The following NALCN variants were observed in gnomAD, a reference collection of about 807,000 sequenced individuals.
The protein encoded by NALCN is sodium leak channel NALCN.
In NALCN, 111 loss-of-function variants were observed where a neutral mutation model predicts 225.3. That is an observed-to-expected ratio of 0.49 (90% confidence interval 0.42 to 0.58). The LOEUF (loss-of-function observed/expected upper bound fraction) is 0.58. Ranked by LOEUF, NALCN falls within the 20% of genes least tolerant of loss-of-function variation. The pLI is 0.00. For missense variants in NALCN, 1,378 were observed against 2,202.4 expected (o/e 0.63, Z 7.49); for synonymous variants, 764 against 769.0 (o/e 0.99, Z 0.11).
intron 43 of NALCN, among the ~76,000 whole-genome samples, chr13:101,055,878 G>T (rs1030646067): frequency 8.5e-5 from 13 of 152,104 alleles, no homozygotes; most frequent in African/African-American, 2.4e-4. Context: ...AAGGCGAGGG[G>T]GGATGCAGTG....
chr13:101,116,017 A>G (rs893848016), intron 18 of NALCN, among the ~76,000 whole-genome samples: 2 of 152,176 alleles, frequency 1.3e-5, no homozygotes, highest in African/African-American at 4.8e-5. Flanking sequence ...ATGCAGGCAT[A>G]TGTAATCCCT....
At chr13:101,157,617 T>C (rs945499860) in intron 15 of NALCN, among the ~76,000 whole-genome samples, 6 of 152,182 alleles carry the variant, frequency 3.9e-5, no homozygotes, top group African/African-American at 1.4e-4. Context: ...TTCCCTAACT[T>C]TTTGGTCAAC....
At chr13:101,232,838 G>A (rs925907380) in intron 12 of NALCN, among the ~76,000 whole-genome samples, 1 of 151,974 alleles carries the variant, frequency 6.6e-6, no homozygotes, top group Non-Finnish European at 1.5e-5. Flanking sequence ...TTTATCATAA[G>A]AACTATTAAA....
chr13:101,350,712 G>A (rs892662348), intron 6 of NALCN, among the ~76,000 whole-genome samples: 2 of 152,142 alleles, frequency 1.3e-5, no homozygotes, highest in Non-Finnish European at 2.9e-5. Flanking sequence ...GTATTTTACA[G>A]TTGTGATTAA....
intron 22 of NALCN, among the ~76,000 whole-genome samples, chr13:101,106,681 T>C (rs1396341270): frequency 2.0e-5 from 3 of 152,272 alleles, no homozygotes; most frequent in African/African-American, 7.2e-5. Flanking sequence ...GATCTGATGA[T>C]TTTATGAGGG....
At chr13:101,183,205 G>A (rs560306447) in intron 14 of NALCN, among the ~76,000 whole-genome samples, 1 of 152,298 alleles carries the variant, frequency 6.6e-6, no homozygotes, top group Admixed American at 6.5e-5. Flanking sequence ...TTCAGCTAAT[G>A]TTTACCTACA....
At chr13:101,145,553 A>G (rs2037305749) in intron 15 of NALCN, among the ~76,000 whole-genome samples, 1 of 152,232 alleles carries the variant, frequency 6.6e-6, no homozygotes, top group African/African-American at 2.4e-5. Flanking sequence ...ATTTCTACAA[A>G]TTGAGTTTCA....
At chr13:101,164,894 A>T (rs972234338) in intron 15 of NALCN, among the ~76,000 whole-genome samples, 6 of 152,238 alleles carry the variant, frequency 3.9e-5, no homozygotes, top group Admixed American at 2.6e-4. Flanking sequence ...ACCTCAAAAG[A>T]GTCATCTCTG....
chr13:101,055,071 A>C lies in NALCN; in HGVS notation c.*224T>G. The C allele has an allele frequency of 3.8e-6, 2 of 521,226 alleles. No individual in the cohort carries two copies. Among genetic ancestry groups the C allele is most frequent in the South Asian group, 6.1e-5 (2 of 32,920 alleles). 32.3% of individuals were successfully genotyped at this position (521,226 alleles called of 1,614,324 possible). On this transcript the variant is annotated 3_prime_UTR_variant, in exon 44 of 44. Coordinates refer to ENST00000251127, the MANE Select transcript of NALCN (RefSeq NM_052867.4). ...TGCTTGCGGTATCATTTCTAATATT[A>C]TCAGTACTGTCATTATACAAAAATT... is the stretch of plus-strand genomic sequence containing the variant.
intron 10 of NALCN, among the ~76,000 whole-genome samples, chr13:101,274,491 G>A (rs1288225608): frequency 6.6e-6 from 1 of 152,082 alleles, no homozygotes; most frequent in Non-Finnish European, 1.5e-5. Context: ...CTACCTTTAT[G>A]GTGCTGTGAG....
intron 16 of NALCN, among the ~76,000 whole-genome samples, chr13:101,143,931 A>T (rs1284473164): frequency 6.6e-6 from 1 of 152,240 alleles, no homozygotes; most frequent in Admixed American, 6.5e-5. Context: ...TCAAAGCATA[A>T]CGAAAATTCA....
At chr13:101,131,754 A>G (rs773749613) in intron 17 of NALCN, among the ~76,000 whole-genome samples, 2 of 152,160 alleles carry the variant, frequency 1.3e-5, no homozygotes, top group Non-Finnish European at 2.9e-5. Flanking sequence ...GGGTTTGTGG[A>G]TTACCGAGTT....
intron 6 of NALCN, among the ~76,000 whole-genome samples, chr13:101,363,011 GC>G (rs1323087392): frequency 6.6e-6 from 1 of 151,880 alleles, no homozygotes; most frequent in African/African-American, 2.4e-5. Flanking sequence ...AATTAAAAAT[GC>G]CTAGGAATAA....
In NALCN at chr13:101,282,412, A is replaced by G. The variant is rs150282446; in HGVS notation, c.1134+1521T>C. On this transcript the variant is annotated intron_variant, in intron 10 of 43. Transcript: ENST00000251127. ...AGTGAAATGAACTAGACACAGAAAG[A>G]CAAACACCGCATAATCTCATTTATA... 1.8e-4 allele frequency among the ~76,000 whole-genome samples: 28 copies of G among 152,336 alleles called. 1 individual carries two copies. In the South Asian group the frequency reaches 5.6e-3, roughly 30 times the overall value.
At chr13:101,413,810 C>T (rs1316577856) in intron 1 of NALCN, among the ~76,000 whole-genome samples, 3 of 152,118 alleles carry the variant, frequency 2.0e-5, no homozygotes, top group African/African-American at 7.2e-5. Context: ...TGTGCTGGTC[C>T]TTGAGACAGG....
At chr13:101,305,628 C>G (rs921343188) in intron 7 of NALCN, among the ~76,000 whole-genome samples, 4 of 152,210 alleles carry the variant, frequency 2.6e-5, no homozygotes, top group African/African-American at 9.7e-5. Context: ...CCAACAATAC[C>G]TCTTGTCTCC....
At position 101,376,503 on chromosome 13, in the gene NALCN, G is replaced by A. The variant is rs903683489; in HGVS notation, c.644+197C>T. On this transcript the variant is annotated intron_variant, in intron 6 of 43. Transcript: ENST00000251127. ...CTGCACCCCAGCCTCATGACAGAGCGAGACTCCATCTCAAAAATAAAATAA... is the reference window on the plus strand; with the variant it reads ...CTGCACCCCAGCCTCATGACAGAGCAAGACTCCATCTCAAAAATAAAATAA... Among the ~76,000 whole-genome samples the A allele has an allele frequency of 3.3e-5, 5 of 150,198 alleles. No individual in the cohort carries two copies. In the East Asian group the frequency reaches 5.9e-4, roughly 18 times the overall value.
At chr13:101,201,991 C>G (rs1394482663) in intron 13 of NALCN, among the ~76,000 whole-genome samples, 1 of 152,118 alleles carries the variant, frequency 6.6e-6, no homozygotes, top group African/African-American at 2.4e-5. Context: ...GCAAAAGTGA[C>G]TTCTCTTCTG....
intron 10 of NALCN, among the ~76,000 whole-genome samples, chr13:101,278,231 TAG>T (rs2043026470): frequency 6.6e-6 from 1 of 152,076 alleles, no homozygotes; most frequent in South Asian, 2.1e-4. Context: ...AACATACAAT[TAG>T]TTTGGGTTCA....
Sources: gnomAD v4.1 joint callset for allele counts (sites outside exome capture counted in the v4.1 genomes callset) on GRCh38, gnomAD v4.1.1 for gene constraint, MANE v1.5 for transcripts, NCBI Gene and HGNC (gene_info 2026-07-23, HGNC 2026-07-21) for gene names.